The following COL28A1 variants were observed in gnomAD, a reference collection of about 807,000 sequenced individuals.
The protein encoded by COL28A1 is collagen alpha-1(XXVIII) chain.
A neutral mutation model predicts 150.2 loss-of-function variants in COL28A1; 161 were observed. The ratio of observed to expected loss-of-function variants is 1.07; its 90% CI spans 0.94 to 1.22. COL28A1 has a LOEUF of 1.22. Among genes scored for constraint, COL28A1 ranks in the 50% most tolerant of loss-of-function variants. The pLI, the probability that COL28A1 is intolerant of heterozygous loss-of-function variation, is 0.00. For missense variants in COL28A1, 1,617 were observed against 1,388.3 expected (o/e 1.16, Z -2.62); for synonymous variants, 552 against 469.7 (o/e 1.18, Z -2.26).
intron 27 of COL28A1, chr7:7,417,507 G>GAGGGGGC: frequency 4.9e-6 from 1 of 203,868 alleles, no homozygotes; most frequent in African/African-American, 4.7e-5. Flanking sequence ...GAGGGAGGGG[G>GAGGGGGC]AGGGAAGGAG....
chr7:7,422,782 T>C (rs1784444970), intron 25 of COL28A1, among the ~76,000 whole-genome samples: 1 of 152,058 alleles, frequency 6.6e-6, no homozygotes, highest in Non-Finnish European at 1.5e-5. Flanking sequence ...CAGCTTTGAG[T>C]GTCCCCAAGT....
the COL28A1 span, among the ~76,000 whole-genome samples, chr7:7,541,364 TC>T: frequency 1.3e-5 from 2 of 152,198 alleles, no homozygotes; most frequent in African/African-American, 2.4e-5. Context: ...AATACTAAAT[TC>T]TACACAGAAA....
chr7:7,524,641 T>C (rs1474471275), intron 3 of COL28A1, among the ~76,000 whole-genome samples: 1 of 152,248 alleles, frequency 6.6e-6, no homozygotes, highest in East Asian at 1.9e-4. Flanking sequence ...TTTCAATTTT[T>C]TCCATCCCTA....
At chr7:7,464,274 G>C (rs984251013) in intron 15 of COL28A1, among the ~76,000 whole-genome samples, 3 of 152,070 alleles carry the variant, frequency 2.0e-5, no homozygotes, top group Non-Finnish European at 2.9e-5. Context: ...CGTCAACAAA[G>C]AAATAATGGA....
chr7:7,394,085 C>T (rs1255936786), intron 27 of COL28A1, among the ~76,000 whole-genome samples: 6 of 152,156 alleles, frequency 3.9e-5, no homozygotes, highest in Admixed American at 2.6e-4. Flanking sequence ...GGGACTCTCC[C>T]GGTCTGTGGG....
At chr7:7,482,322 C>T (rs1210119433) in intron 13 of COL28A1, among the ~76,000 whole-genome samples, 11 of 151,974 alleles carry the variant, frequency 7.2e-5, no homozygotes, top group Non-Finnish European at 1.3e-4. Flanking sequence ...GTCAGGAGTT[C>T]GAGATCAGCC....
In COL28A1 at chr7:7,360,483, G is replaced by C; in HGVS notation, c.3112C>G (p.Pro1038Ala). ...GCAGGCAGATCATCAGCCCACGTTG[G>C]CTCTGGAGCCTTATCATCTTCATCC... is the stretch of plus-strand genomic sequence containing the variant. ...DQDEDDKAPE[P>A]TWADDLPATT... Residue 1038 changes from proline to alanine, a missense_variant, in exon 34 of 35, where the codon CCA (proline) becomes GCA (alanine). Physicochemically the swap from Pro to Ala is conservative, Grantham distance 27. Coordinates refer to ENST00000399429, the MANE Select transcript of COL28A1 (RefSeq NM_001037763.3). 6.2e-7 allele frequency: 1 copy of C among 1,608,916 alleles called. No homozygotes were observed.
chr7:7,354,968 T>A (rs947370877), downstream of COL28A1, among the ~76,000 whole-genome samples: 2 of 152,046 alleles, frequency 1.3e-5, no homozygotes, highest in African/African-American at 4.8e-5. Context: ...GTCACTTTTG[T>A]CCTAAGGACA....
intron 33 of COL28A1, among the ~76,000 whole-genome samples, chr7:7,360,930 T>C (rs1780621396): frequency 6.6e-6 from 1 of 152,258 alleles, no homozygotes; most frequent in Non-Finnish European, 1.5e-5. Context: ...AACATTTTTA[T>C]GGCCTTTCTC....
chr7:7,540,443 G>A (rs891494721), upstream of COL28A1, among the ~76,000 whole-genome samples: 1 of 152,174 alleles, frequency 6.6e-6, no homozygotes, highest in Non-Finnish European at 1.5e-5. Flanking sequence ...GAACTGGAAG[G>A]AAACTTAGAA....
rs966965619 is a variant in COL28A1, at chr7:7,377,083, G to A, written c.2323-1586C>T. Among the ~76,000 whole-genome samples the A allele has an allele frequency of 3.3e-5, 5 of 152,168 alleles. No individual in the cohort carries two copies. In the East Asian group the frequency reaches 9.6e-4, roughly 29 times the overall value. On this transcript the variant is annotated intron_variant, in intron 30 of 34. Transcript: ENST00000399429. ...ATGTTTCCAGGTTGTATTCTCTTGT[G>A]CAATCTGTGTATGTTCTTTGTCTTA...
intron 27 of COL28A1, among the ~76,000 whole-genome samples, chr7:7,382,647 T>A (rs537609445): frequency 1.4e-3 from 209 of 152,282 alleles, no homozygotes; most frequent in African/African-American, 4.9e-3. Flanking sequence ...TAATTATTAG[T>A]AATGAGTCTC....
the COL28A1 span, among the ~76,000 whole-genome samples, chr7:7,340,740 C>A: frequency 6.6e-6 from 1 of 151,988 alleles, no homozygotes; most frequent in African/African-American, 2.4e-5. Context: ...CTTTCGGGCT[C>A]ACCTTGACAT....
intron 15 of COL28A1, among the ~76,000 whole-genome samples, chr7:7,465,212 G>C (rs531871587): frequency 1.8e-4 from 27 of 151,774 alleles, no homozygotes; most frequent in African/African-American, 6.0e-4. Flanking sequence ...ATCCCACTAG[G>C]GAGTGCCAGA....
chr7:7,353,155 T>G (rs1030990052), downstream of COL28A1, among the ~76,000 whole-genome samples: 25 of 152,184 alleles, frequency 1.6e-4, no homozygotes, highest in African/African-American at 6.0e-4. Flanking sequence ...AACAAGGACA[T>G]GCCAGTTGTA....
At chr7:7,383,833 A>G (rs1034996675) in intron 27 of COL28A1, among the ~76,000 whole-genome samples, 1 of 151,944 alleles carries the variant, frequency 6.6e-6, no homozygotes, top group South Asian at 2.1e-4. Context: ...ATTAAAAATA[A>G]TATTTTAAGA....
chr7:7,505,525 G>A (rs1256584465), intron 11 of COL28A1, among the ~76,000 whole-genome samples: 1 of 151,992 alleles, frequency 6.6e-6, no homozygotes, highest in Non-Finnish European at 1.5e-5. Flanking sequence ...GTCTTGGCTG[G>A]TTATCTGTGG....
At chr7:7,344,452 T>G in the COL28A1 span, among the ~76,000 whole-genome samples, 1 of 152,132 alleles carries the variant, frequency 6.6e-6, no homozygotes, top group Admixed American at 6.6e-5. Flanking sequence ...ATTTTTAGTT[T>G]ATCTCAACCT....
At chr7:7,339,477 C>T in the COL28A1 span, among the ~76,000 whole-genome samples, 4,406 of 152,214 alleles carry the variant, frequency 0.029, 110 homozygotes, top group Non-Finnish European at 0.046. Flanking sequence ...CGTGCTGAGG[C>T]AGAATACTGT....
Sources: gnomAD v4.1 joint callset for allele counts (sites outside exome capture counted in the v4.1 genomes callset) on GRCh38, gnomAD v4.1.1 for gene constraint, MANE v1.5 for transcripts, NCBI Gene and HGNC (gene_info 2026-07-23, HGNC 2026-07-21) for gene names.